The following KBTBD11 variants were observed in gnomAD, a reference collection of about 807,000 sequenced individuals.
KBTBD11 encodes the protein kelch repeat and BTB domain-containing protein 11.
For synonymous variants in KBTBD11, 747 were observed against 499.0 expected (o/e 1.50, Z -6.63); for missense variants, 1,390 against 1,001.8 (o/e 1.39, Z -5.23).
At chr8:1,987,124 C>T (rs998510201) in intron 1 of KBTBD11, among the ~76,000 whole-genome samples, 4 of 152,090 alleles carry the variant, frequency 2.6e-5, no homozygotes, top group Admixed American at 2.6e-4. Context: ...CCGTCCCCGG[C>T]CTCCTCTTCA....
At chr8:1,973,971 G>A in intron 1 of KBTBD11, 36 bp downstream of exon 1, 4 of 983,434 alleles carry the variant, frequency 4.1e-6, no homozygotes, top group Non-Finnish European at 4.8e-6. Flanking sequence ...GGCGGGGCCT[G>A]GCGGGCGGAG....
At chr8:1,993,296 A>G (rs890851508) in intron 1 of KBTBD11, among the ~76,000 whole-genome samples, 3 of 151,964 alleles carry the variant, frequency 2.0e-5, no homozygotes, top group Non-Finnish European at 4.4e-5. Context: ...TAGTTTCCCT[A>G]GCTAACATGC....
intron 1 of KBTBD11, among the ~76,000 whole-genome samples, chr8:1,987,005 T>C (rs1348834666): frequency 4.1e-5 from 2 of 49,262 alleles, no homozygotes; most frequent in African/African-American, 1.6e-4. Context: ...ACCCTATCTC[T>C]CCAAAAAAAA....
chr8:1,977,939 G>T (rs1002851356), intron 1 of KBTBD11, among the ~76,000 whole-genome samples: 4 of 152,200 alleles, frequency 2.6e-5, no homozygotes, highest in African/African-American at 9.7e-5. Context: ...CACGACCCTT[G>T]TTCCAATATC....
rs757679549 is a variant in KBTBD11 at position 2,001,910 on chromosome 8, C to T, written c.718C>T (p.Leu240=). The change falls in exon 2 of 2, where the codon CTG becomes TTG. Residue 240 remains leucine (L), a synonymous_variant. Coordinates refer to ENST00000320248, the MANE Select transcript of KBTBD11 (RefSeq NM_014867.3). Reference sequence around the variant, plus strand: ...GAGCCTGGCCAACTGCTACGAGGTCCTGAGCGCGGCCAAGCGGCAGCGGCT... The same window carrying T: ...GAGCCTGGCCAACTGCTACGAGGTCTTGAGCGCGGCCAAGCGGCAGCGGCT... ...QLSLANCYEV[L]SAAKRQRLNE... is the part of the protein sequence containing the mutation. The T allele has an allele frequency of 3.4e-6, 5 of 1,451,484 alleles. No individual in the cohort carries two copies. Among genetic ancestry groups the T allele is most frequent in the South Asian group, 1.2e-5 (1 of 81,146 alleles). 89.9% of individuals were successfully genotyped at this position (1,451,484 alleles called of 1,614,324 possible). A position where few individuals can be genotyped will look rare whatever the true frequency, so the allele number is the denominator to read the frequency against.
intron 1 of KBTBD11, among the ~76,000 whole-genome samples, chr8:1,979,307 T>C (rs1816458339): frequency 6.6e-6 from 1 of 152,172 alleles, no homozygotes; most frequent in Admixed American, 6.5e-5. Flanking sequence ...CTCAAAATCT[T>C]CCCATGTAAA....
intron 1 of KBTBD11, among the ~76,000 whole-genome samples, chr8:1,981,875 A>G (rs773222213): frequency 1.3e-5 from 2 of 152,178 alleles, no homozygotes; most frequent in African/African-American, 2.4e-5. Flanking sequence ...GCCTCTGACA[A>G]TAAACTGAGC....
chr8:1,983,263 C>G (rs1164091436), intron 1 of KBTBD11, among the ~76,000 whole-genome samples: 1 of 152,182 alleles, frequency 6.6e-6, no homozygotes, highest in Non-Finnish European at 1.5e-5. Context: ...GTGTGCACCC[C>G]CATGCTCCAA....
intron 1 of KBTBD11, among the ~76,000 whole-genome samples, chr8:1,985,816 A>G (rs1341456375): frequency 6.6e-6 from 1 of 152,232 alleles, no homozygotes; most frequent in African/African-American, 2.4e-5. Context: ...AGTAAAAACC[A>G]GTATGTTGAC....
chr8:1,976,055 T>G (rs887619904), intron 1 of KBTBD11: 1 of 152,156 alleles, frequency 6.6e-6, no homozygotes, highest in Admixed American at 6.5e-5. Context: ...ATAGCTCTCC[T>G]GCAAATCTGG....
chr8:1,974,270 T>A, intron 1 of KBTBD11: 1 of 978,642 alleles, frequency 1.0e-6, no homozygotes, highest in African/African-American at 1.8e-5. Flanking sequence ...CCACAGGCCC[T>A]CCCCCGGGAC....
chr8:1,977,567 A>T (rs80159466), intron 1 of KBTBD11, among the ~76,000 whole-genome samples: 2 of 152,098 alleles, frequency 1.3e-5, no homozygotes, highest in African/African-American at 4.8e-5. Context: ...TCTGTCATCC[A>T]GGCTGGAATC....
rs1817384628 is a variant in KBTBD11 at position 2,001,933 on chromosome 8, G to C, written c.741G>C (p.Arg247=). ...YEVLSAAKRQ[R]LNELRDAAYC... ...TCCTGAGCGCGGCCAAGCGGCAGCG[G>C]CTGAACGAGCTGCGCGACGCCGCCT... The change falls in exon 2 of 2, where the codon CGG becomes CGC. Residue 247 remains arginine (R), a synonymous_variant. Transcript: ENST00000320248. The C allele has an allele frequency of 4.1e-6, 6 of 1,467,050 alleles. No individual in the cohort carries two copies. The South Asian group carries it at 6.1e-5, about 15-fold the overall frequency. The allele number at this position is 1,467,050 out of a possible 1,614,324, so 90.9% of individuals were successfully genotyped here.
At chr8:1,981,362 T>TGGTA (rs1234600565) in intron 1 of KBTBD11, among the ~76,000 whole-genome samples, 2 of 152,210 alleles carry the variant, frequency 1.3e-5, no homozygotes, top group Non-Finnish European at 2.9e-5. Context: ...TAAAATTCAC[T>TGGTA]GGTAAATGTA....
chr8:1,995,055 T>A (rs1251377187), intron 1 of KBTBD11, among the ~76,000 whole-genome samples: 1 of 80,918 alleles, frequency 1.2e-5, no homozygotes, highest in East Asian at 4.3e-4. Flanking sequence ...GTGAGACTCT[T>A]GTCTCAAAAA....
chr8:1,982,303 C>T (rs1316000161), intron 1 of KBTBD11, among the ~76,000 whole-genome samples: 1 of 152,026 alleles, frequency 6.6e-6, no homozygotes, highest in Non-Finnish European at 1.5e-5. Flanking sequence ...AAGAGAAAGT[C>T]TAATCATAAA....
intron 1 of KBTBD11, among the ~76,000 whole-genome samples, chr8:1,980,084 A>T (rs902470796): frequency 6.6e-6 from 1 of 152,084 alleles, no homozygotes; most frequent in Admixed American, 6.6e-5. Context: ...TTTTCTATGA[A>T]TCTCTTGGGA....
chr8:2,001,126 C>T lies in KBTBD11; in HGVS notation c.-67C>T, dbSNP rs992553336. Reference sequence around the variant, plus strand: ...AGGCTGGAAACCCCGGAGTAAGGCTCGACCTTGGCCAGACCTGCAGGCTGC... The same window carrying T: ...AGGCTGGAAACCCCGGAGTAAGGCTTGACCTTGGCCAGACCTGCAGGCTGC... On this transcript the variant is annotated 5_prime_UTR_variant, in exon 2 of 2. Coordinates refer to ENST00000320248, the MANE Select transcript of KBTBD11 (RefSeq NM_014867.3). The T allele has an allele frequency of 5.5e-6, 7 of 1,268,896 alleles. No individual in the cohort carries two copies. In the Admixed American group the frequency reaches 2.1e-4, roughly 38 times the overall value. 78.6% of individuals were successfully genotyped at this position (1,268,896 alleles called of 1,614,324 possible).
intron 1 of KBTBD11, among the ~76,000 whole-genome samples, chr8:1,984,848 G>T (rs144527158): frequency 7.4e-4 from 112 of 152,256 alleles, no homozygotes; most frequent in African/African-American, 2.5e-3. Context: ...TTAAGGCCAC[G>T]TACGTTTCAG....
Sources: gnomAD v4.1 joint callset for allele counts (sites outside exome capture counted in the v4.1 genomes callset) on GRCh38, gnomAD v4.1.1 for gene constraint, MANE v1.5 for transcripts, NCBI Gene and HGNC (gene_info 2026-07-23, HGNC 2026-07-21) for gene names.